Variants in NRG3 observed in about 807,000 individuals in gnomAD.
NRG3 encodes the protein pro-neuregulin-3, membrane-bound isoform.
A neutral mutation model predicts 66.9 loss-of-function variants in NRG3; 31 were observed. The ratio of observed to expected loss-of-function variants is 0.46; its 90% CI spans 0.35 to 0.63. The LOEUF (loss-of-function observed/expected upper bound fraction) is 0.63, where lower values mean the gene tolerates loss of function less well. NRG3 is among the 20% of genes least tolerant of loss of function. NRG3 has a pLI of 0.00. For synonymous variants in NRG3, 393 were observed against 359.4 expected (o/e 1.09, Z -1.06); for missense variants, 910 against 878.9 (o/e 1.04, Z -0.45).
At chr10:82,131,007 T>C (rs2132494168) in intron 1 of NRG3, among the ~76,000 whole-genome samples, 1 of 152,330 alleles carries the variant, frequency 6.6e-6, no homozygotes, top group South Asian at 2.1e-4. Flanking sequence ...ATTCACTTTG[T>C]TGATTGTTTT....
intron 1 of NRG3, among the ~76,000 whole-genome samples, chr10:81,977,253 G>A (rs2060158301): frequency 6.6e-6 from 1 of 152,086 alleles, no homozygotes; most frequent in Non-Finnish European, 1.5e-5. Flanking sequence ...TTGTAGGGTA[G>A]CTATTTATTT....
At chr10:82,298,779 G>A (rs2080224302) in intron 1 of NRG3, among the ~76,000 whole-genome samples, 1 of 152,126 alleles carries the variant, frequency 6.6e-6, no homozygotes, top group Non-Finnish European at 1.5e-5. Flanking sequence ...GGCAGCAAGG[G>A]CCACTCTGGG....
At chr10:82,800,935 T>A (rs1339803551) in intron 3 of NRG3, among the ~76,000 whole-genome samples, 2 of 152,150 alleles carry the variant, frequency 1.3e-5, no homozygotes. Context: ...ATCCTAAGAC[T>A]GCCTAATTAA....
intron 2 of NRG3, among the ~76,000 whole-genome samples, chr10:82,607,456 T>C (rs1179587545): frequency 6.6e-6 from 1 of 152,168 alleles, no homozygotes; most frequent in Non-Finnish European, 1.5e-5. Context: ...ATTCTTTTAC[T>C]TTTACTCTAT....
intron 1 of NRG3, among the ~76,000 whole-genome samples, chr10:81,937,759 A>G (rs1848015166): frequency 6.6e-6 from 1 of 152,038 alleles, no homozygotes; most frequent in Non-Finnish European, 1.5e-5. Context: ...ATGTAATCCC[A>G]TTTGTCTGTT....
chr10:82,708,561 A>G (rs1355700426), intron 2 of NRG3, among the ~76,000 whole-genome samples: 1 of 152,124 alleles, frequency 6.6e-6, no homozygotes, highest in Non-Finnish European at 1.5e-5. Context: ...TCGATTTACA[A>G]ATTTGTTTTT....
intron 2 of NRG3, among the ~76,000 whole-genome samples, chr10:82,535,295 GCTAA>G (rs1359906906): frequency 2.0e-5 from 3 of 151,390 alleles, no homozygotes; most frequent in Non-Finnish European, 2.9e-5. Context: ...ATCACAGTGG[GCTAA>G]CTGTCATGTC....
At chr10:82,441,818 C>CA (rs2090448008) in intron 2 of NRG3, among the ~76,000 whole-genome samples, 1 of 152,224 alleles carries the variant, frequency 6.6e-6, no homozygotes, top group African/African-American at 2.4e-5. Flanking sequence ...GGTGACCAAT[C>CA]ACCAGTCAGA....
intron 2 of NRG3, among the ~76,000 whole-genome samples, chr10:82,523,183 C>G (rs1846366565): frequency 6.6e-6 from 1 of 152,130 alleles, no homozygotes; most frequent in Non-Finnish European, 1.5e-5. Flanking sequence ...TGAGTTATTT[C>G]ACATTTTGGC....
At chr10:81,990,294 G>A (rs917290927) in intron 1 of NRG3, among the ~76,000 whole-genome samples, 5 of 152,076 alleles carry the variant, frequency 3.3e-5, no homozygotes, top group Non-Finnish European at 7.4e-5. Flanking sequence ...TCCTGAGGCT[G>A]TTTACTCTCA....
chr10:82,142,568 T>C (rs566096090), intron 1 of NRG3, among the ~76,000 whole-genome samples: 1 of 152,186 alleles, frequency 6.6e-6, no homozygotes, highest in East Asian at 1.9e-4. Context: ...CAGGGTCTCA[T>C]TGGGCATGTA....
intron 1 of NRG3, among the ~76,000 whole-genome samples, chr10:81,913,668 C>T (rs545342566): frequency 1.3e-5 from 2 of 152,212 alleles, no homozygotes; most frequent in Admixed American, 6.5e-5. Context: ...AGGTGATCTG[C>T]CCACCTCAGC....
At chr10:82,677,044 T>TTCTC (rs3040206) in intron 2 of NRG3, among the ~76,000 whole-genome samples, 19 of 148,164 alleles carry the variant, frequency 1.3e-4, no homozygotes, top group Admixed American at 8.9e-4. Flanking sequence ...CTTTCTTTCT[T>TTCTC]TCTCTCTCTC....
At position 82,865,421 on chromosome 10, in the gene NRG3, G is replaced by C. The variant is rs1840616623; in HGVS notation, c.1038G>C (p.Leu346Phe). 2 of 1,612,886 alleles carry C rather than the reference G, an allele frequency of 1.2e-6. No individual in the cohort carries two copies. Among genetic ancestry groups the C allele is most frequent in the Non-Finnish European group, 1.7e-6 (2 of 1,179,320 alleles). ...CTGACTTTGGTGTAGCAGACCACTT[G>C]GGGATTGAATTCATGGGTAAGACTA... ...DSILSDPTDH[L>F]GIEFMESEEV... The change falls in exon 4 of 9, where the codon TTG (leucine) becomes TTC (phenylalanine). Residue 346 changes from leucine to phenylalanine, a missense_variant. By Grantham distance (22) the Leu-to-Phe change is conservative. Transcript: ENST00000372141.
intron 2 of NRG3, among the ~76,000 whole-genome samples, chr10:82,524,711 TC>T: frequency 6.6e-6 from 1 of 152,062 alleles, no homozygotes; most frequent in East Asian, 1.9e-4. Context: ...AAACTCATGT[TC>T]TTTTTAATAT....
chr10:81,918,307 T>A (rs1373910973), intron 1 of NRG3, among the ~76,000 whole-genome samples: 1 of 152,178 alleles, frequency 6.6e-6, no homozygotes, highest in African/African-American at 2.4e-5. Flanking sequence ...TCCCAGTGAA[T>A]TGATTTAAAG....
intron 1 of NRG3, among the ~76,000 whole-genome samples, chr10:82,046,208 T>A (rs1291476453): frequency 2.0e-5 from 3 of 147,510 alleles, no homozygotes; most frequent in Non-Finnish European, 4.5e-5. Context: ...GAGCATGGAA[T>A]GTTCTTCCAT....
intron 4 of NRG3, among the ~76,000 whole-genome samples, chr10:82,875,087 G>A (rs947011370): frequency 7.2e-5 from 11 of 152,148 alleles, no homozygotes; most frequent in African/African-American, 2.7e-4. Flanking sequence ...TCTCTCACAT[G>A]GGGTAATCTA....
intron 2 of NRG3, among the ~76,000 whole-genome samples, chr10:82,679,073 T>A (rs2053925430): frequency 2.0e-5 from 3 of 152,196 alleles, no homozygotes; most frequent in African/African-American, 7.2e-5. Context: ...TGAGTTTTAG[T>A]TTCATGATCT....
Sources: gnomAD v4.1 joint callset for allele counts (sites outside exome capture counted in the v4.1 genomes callset) on GRCh38, gnomAD v4.1.1 for gene constraint, MANE v1.5 for transcripts, NCBI Gene and HGNC (gene_info 2026-07-23, HGNC 2026-07-21) for gene names.